Variants in MIOS observed in about 807,000 individuals in gnomAD.
The protein encoded by MIOS is meiosis regulator for oocyte development.
MIOS carries 52 observed loss-of-function variants against 96.9 expected under a neutral mutation model. That is an observed-to-expected ratio of 0.54 (90% confidence interval 0.43 to 0.68). The LOEUF is 0.68. Among genes scored for constraint, MIOS ranks in the 30% least tolerant of loss-of-function variants. MIOS has a pLI of 0.00. For synonymous variants in MIOS, 397 were observed against 359.5 expected (o/e 1.10, Z -1.18); for missense variants, 1,005 against 1,052.8 (o/e 0.95, Z 0.63).
chr7:7,586,413 G>GA (rs1046793272), intron 7 of MIOS, among the ~76,000 whole-genome samples: 60 of 152,112 alleles, frequency 3.9e-4, no homozygotes, highest in African/African-American at 1.3e-3. Context: ...ACAAAACGGG[G>GA]AAAGAAAGAA....
Position 7,607,135 on chromosome 7 carries a change from T to TA in MIOS, c.*44dup. ...AGAACCCTTCAAGTGTGGAGCTTTC[T>TA]AGTAGGTGTCCTTCATAGCTCAGAA... On this transcript the variant is annotated 3_prime_UTR_variant, in exon 13 of 13. Coordinates refer to ENST00000340080, the MANE Select transcript of MIOS (RefSeq NM_019005.4). 6.8e-7 allele frequency: 1 copy of TA among 1,469,124 alleles called. No individual in the cohort carries two copies. Among genetic ancestry groups the TA allele is most frequent in the African/African-American group, 1.4e-5 (1 of 70,960 alleles). 91.0% of individuals were successfully genotyped at this position (1,469,124 alleles called of 1,614,324 possible).
intron 7 of MIOS, among the ~76,000 whole-genome samples, chr7:7,587,085 A>G (rs1180563712): frequency 6.7e-6 from 1 of 149,298 alleles, no homozygotes; most frequent in Non-Finnish European, 1.5e-5. Context: ...ATGGCAGCTC[A>G]CTGCAACCTC....
intron 7 of MIOS, among the ~76,000 whole-genome samples, chr7:7,587,000 T>TG (rs1226667422): frequency 3.1e-4 from 46 of 148,894 alleles, no homozygotes; most frequent in African/African-American, 9.8e-4. Flanking sequence ...TTTTTTTTTT[T>TG]TTTTTTTTGT....
chr7:7,604,885 A>G (rs1465214282), intron 11 of MIOS, among the ~76,000 whole-genome samples: 1 of 151,788 alleles, frequency 6.6e-6, no homozygotes, highest in African/African-American at 2.4e-5. Context: ...TAGTGTACAT[A>G]TCAGATCTAT....
At chr7:7,594,487 G>T (rs1304519762) in intron 9 of MIOS, among the ~76,000 whole-genome samples, 1 of 152,038 alleles carries the variant, frequency 6.6e-6, no homozygotes, top group South Asian at 2.1e-4. Flanking sequence ...TAGAGACAGG[G>T]TTTCACCATG....
intron 11 of MIOS, among the ~76,000 whole-genome samples, chr7:7,597,342 AAT>A (rs1472689678): frequency 1.6e-5 from 2 of 128,084 alleles, no homozygotes; most frequent in African/African-American, 3.0e-5. Context: ...AAAAAAAAAA[AAT>A]GTTTTTAATT....
intron 5 of MIOS, chr7:7,582,588 C>G (rs1277649335): frequency 4.2e-6 from 4 of 954,268 alleles, no homozygotes; most frequent in Middle Eastern, 5.3e-4. Context: ...CTTAAACTTT[C>G]AAAGTACTTT....
In MIOS at chr7:7,583,361, C is replaced by T. The variant is rs750089198; in HGVS notation, c.1637C>T (p.Ser546Phe). ...ATCCAAATCCTGAATGAAGGGGCAT[C>T]TTCTGAAAAAGGTATTAGGTTATAA... Reference protein sequence around the residue: ...RAIQILNEGASSEKGDLNLNV... With the variant: ...RAIQILNEGAFSEKGDLNLNV... Residue 546 changes from serine (S) to phenylalanine (F), a missense_variant, in exon 6 of 13, where the codon TCT becomes TTT. Physicochemically the swap from Ser to Phe is radical, Grantham distance 155 (BLOSUM62 -2). Transcript: ENST00000340080. 53 of 1,601,722 alleles carry T rather than the reference C, an allele frequency of 3.3e-5. No homozygotes were observed. The highest frequency in any genetic ancestry group is 4.4e-5 in the Non-Finnish European group (52 of 1,173,682).
chr7:7,593,897 AAAAAGAAAAG>A (rs1491145017), intron 9 of MIOS, among the ~76,000 whole-genome samples: 4 of 92,918 alleles, frequency 4.3e-5, no homozygotes, highest in African/African-American at 1.8e-4. Flanking sequence ...AAAAAAAAAG[AAAAAGAAAAG>A]AAAAAAAGAA....
chr7:7,588,611 C>G (rs1783958839), intron 8 of MIOS, 48 bp downstream of exon 8: 1 of 1,221,594 alleles, frequency 8.2e-7, no homozygotes, highest in South Asian at 1.7e-5. Flanking sequence ...TATGTACTGT[C>G]ACAATTATGT....
rs375204213 is a variant in MIOS, at chr7:7,583,227, G to A, written c.1503G>A (p.Lys501=). 6.8e-5 allele frequency: 110 copies of A among 1,614,032 alleles called. 1 individual carries two copies. The African/African-American group carries it at 1.3e-3, about 19-fold the overall frequency. ...ILALQLCGWI[K]KGTDVDVGPF... is the part of the protein sequence containing the mutation. ...CTTTACAGCTTTGTGGGTGGATAAA[G>A]AAAGGAACGGATGTAGACGTGGGGC... Residue 501 remains lysine (K), a synonymous_variant, in exon 6 of 13, where the codon AAG becomes AAA. Coordinates refer to ENST00000340080, the MANE Select transcript of MIOS (RefSeq NM_019005.4).
At chr7:7,604,746 A>G (rs1229852273) in intron 11 of MIOS, among the ~76,000 whole-genome samples, 1 of 152,168 alleles carries the variant, frequency 6.6e-6, no homozygotes, top group African/African-American at 2.4e-5. Context: ...ATAGACCTTA[A>G]TACTTCCAGT....
downstream of MIOS, chr7:7,609,064 GATCA>G (rs972139564): frequency 2.0e-5 from 3 of 152,000 alleles, no homozygotes; most frequent in East Asian, 5.8e-4. Flanking sequence ...ACCTAAACAT[GATCA>G]ATAGATGTGT....
chr7:7,575,081 C>T (rs1292594987), intron 5 of MIOS, among the ~76,000 whole-genome samples: 10 of 152,028 alleles, frequency 6.6e-5, no homozygotes, highest in African/African-American at 2.2e-4. Flanking sequence ...GGGATGCTCA[C>T]CCTGTATCTC....
chr7:7,584,586 C>T (rs1164121807), intron 6 of MIOS, among the ~76,000 whole-genome samples: 1 of 151,708 alleles, frequency 6.6e-6, no homozygotes, highest in African/African-American at 2.4e-5. Context: ...ATGTATTAGG[C>T]AAAGGAAGCA....
chr7:7,603,135 C>T (rs967126714), intron 11 of MIOS, among the ~76,000 whole-genome samples: 2 of 152,044 alleles, frequency 1.3e-5, no homozygotes, highest in African/African-American at 4.8e-5. Context: ...AAGGCAATAC[C>T]ATTCAGGACA....
intron 11 of MIOS, among the ~76,000 whole-genome samples, chr7:7,597,880 G>T (rs959409128): frequency 6.6e-6 from 1 of 151,902 alleles, no homozygotes; most frequent in African/African-American, 2.4e-5. Context: ...GCCCTGGCTG[G>T]TCTTGAACTC....
At chr7:7,588,026 T>C (rs1193004232) in intron 7 of MIOS, among the ~76,000 whole-genome samples, 1 of 152,190 alleles carries the variant, frequency 6.6e-6, no homozygotes, top group East Asian at 1.9e-4. Flanking sequence ...ACTTGTCACT[T>C]TGTACTTGGA....
In MIOS at chr7:7,578,048, G is replaced by T. The variant is rs116856904; in HGVS notation, c.1393+3852G>T. On this transcript the variant is annotated intron_variant, in intron 5 of 12. Coordinates refer to ENST00000340080, the MANE Select transcript of MIOS (RefSeq NM_019005.4). ...GGTTGTGAAAAATATAAGGAAGTGA[G>T]ATTTTTGGAAGGCTATGTGGTTGTG... Among the ~76,000 whole-genome samples the T allele has an allele frequency of 6.7e-3, 1,027 of 152,308 alleles. 8 individuals are homozygous for T. Among genetic ancestry groups the T allele is most frequent in the Middle Eastern group, 0.044 (13 of 294 alleles).
Sources: allele counts gnomAD v4.1 joint callset (sites outside exome capture counted in the v4.1 genomes callset), GRCh38; gene constraint gnomAD v4.1.1; transcripts MANE v1.5; gene names NCBI Gene and HGNC (gene_info 2026-07-23, HGNC 2026-07-21).